LUZP2: variants seen among roughly 807,000 people sequenced by gnomAD.
LUZP2 encodes leucine zipper protein 2.
A neutral mutation model predicts 51.6 loss-of-function variants in LUZP2; 52 were observed. The ratio of observed to expected loss-of-function variants is 1.01; its 90% CI spans 0.81 to 1.27. The LOEUF (loss-of-function observed/expected upper bound fraction) is 1.27. Among genes scored for constraint, LUZP2 ranks in the 50% most tolerant of loss-of-function variants. LUZP2 has a pLI of 0.00. For missense variants in LUZP2, 436 were observed against 395.4 expected (o/e 1.10, Z -0.87); for synonymous variants, 154 against 137.3 (o/e 1.12, Z -0.85).
chr11:24,788,046 C>A (rs755527133), intron 5 of LUZP2, among the ~76,000 whole-genome samples: 1 of 152,096 alleles, frequency 6.6e-6, no homozygotes, highest in Non-Finnish European at 1.5e-5. Context: ...AACATGCTGA[C>A]CCATGTCTAC....
intron 1 of LUZP2, among the ~76,000 whole-genome samples, chr11:24,656,216 A>G (rs1036342982): frequency 5.7e-4 from 87 of 152,234 alleles, no homozygotes; most frequent in Non-Finnish European, 7.5e-4. Context: ...TACATTGTCA[A>G]GTATTTACTG....
rs752340709 is a variant in LUZP2 at position 25,062,093 on chromosome 11, C to T, written c.858+11963C>T. On this transcript the variant is annotated intron_variant, in intron 10 of 11. Transcript: ENST00000336930. Reference sequence around the variant, plus strand: ...AAAAGAAGAAAGGAAAAACAAAAAACGAAAAACAGAGGGAAGGGAGAAGAA... The same window carrying T: ...AAAAGAAGAAAGGAAAAACAAAAAATGAAAAACAGAGGGAAGGGAGAAGAA... 6.7e-4 allele frequency among the ~76,000 whole-genome samples: 85 copies of T among 127,390 alleles called. 1 individual carries two copies. The highest frequency in any genetic ancestry group is 9.0e-4 in the Non-Finnish European group (53 of 58,946). 83.6% of individuals were successfully genotyped at this position (127,390 alleles called of 152,430 possible). A position where few individuals can be genotyped will look rare whatever the true frequency, so the allele number is the denominator to read the frequency against.
chr11:24,953,726 T>C (rs1031853129), intron 7 of LUZP2, among the ~76,000 whole-genome samples: 5 of 152,052 alleles, frequency 3.3e-5, no homozygotes, highest in African/African-American at 1.2e-4. Flanking sequence ...GTACAGTATG[T>C]GGCACCTACG....
At chr11:24,710,743 C>T (rs912503370) in intron 1 of LUZP2, among the ~76,000 whole-genome samples, 1 of 150,468 alleles carries the variant, frequency 6.6e-6, no homozygotes, top group Non-Finnish European at 1.5e-5. Context: ...TACATGTCTT[C>T]AGTGTAAATT....
intron 5 of LUZP2, among the ~76,000 whole-genome samples, chr11:24,769,786 C>CTCT (rs764723270): frequency 6.8e-6 from 1 of 146,952 alleles, no homozygotes; most frequent in African/African-American, 2.7e-5. Context: ...ACTAAATTCT[C>CTCT]TTTTTTGTTT....
chr11:24,840,353 A>G (rs574938170), intron 5 of LUZP2, among the ~76,000 whole-genome samples: 4 of 152,072 alleles, frequency 2.6e-5, no homozygotes, highest in African/African-American at 7.2e-5. Context: ...AACATTTGAC[A>G]CGTACCAGAT....
intron 10 of LUZP2, among the ~76,000 whole-genome samples, chr11:25,053,118 GAACA>G (rs1167510642): frequency 2.6e-5 from 4 of 151,992 alleles, no homozygotes; most frequent in Admixed American, 6.6e-5. Flanking sequence ...AAACAATTGG[GAACA>G]AACAATGAAA....
chr11:24,945,965 T>A (rs1854887348), intron 7 of LUZP2, among the ~76,000 whole-genome samples: 1 of 152,096 alleles, frequency 6.6e-6, no homozygotes, highest in South Asian at 2.1e-4. Flanking sequence ...TTGCAGTCAC[T>A]GCCTGTTCCC....
intron 1 of LUZP2, among the ~76,000 whole-genome samples, chr11:24,673,101 C>G (rs932544673): frequency 2.0e-5 from 3 of 152,156 alleles, no homozygotes; most frequent in Non-Finnish European, 4.4e-5. Flanking sequence ...ACCACCCCCA[C>G]CCTTCCTCCA....
At chr11:24,898,246 TAA>T (rs35478837) in intron 5 of LUZP2, among the ~76,000 whole-genome samples, 1 of 149,628 alleles carries the variant, frequency 6.7e-6, no homozygotes, top group East Asian at 2.0e-4. Flanking sequence ...GTGACAATTA[TAA>T]AAAAAAAAAT....
At chr11:24,628,618 G>A (rs376148168) in intron 1 of LUZP2, among the ~76,000 whole-genome samples, 2 of 152,104 alleles carry the variant, frequency 1.3e-5, no homozygotes, top group East Asian at 3.9e-4. Context: ...GAGTGCAGTG[G>A]TGCCATCTCG....
chr11:24,560,040 G>T (rs1230897405), intron 1 of LUZP2, among the ~76,000 whole-genome samples: 2 of 152,100 alleles, frequency 1.3e-5, no homozygotes, highest in African/African-American at 2.4e-5. Context: ...GGGTTGATGG[G>T]TGCAGCAAAC....
At chr11:24,808,585 A>C (rs1849921465) in intron 5 of LUZP2, among the ~76,000 whole-genome samples, 1 of 152,116 alleles carries the variant, frequency 6.6e-6, no homozygotes, top group African/African-American at 2.4e-5. Context: ...GATTTATTTA[A>C]ATTTCTTATA....
chr11:24,710,760 AT>A (rs11385657), intron 1 of LUZP2, among the ~76,000 whole-genome samples: 8 of 151,850 alleles, frequency 5.3e-5, no homozygotes, highest in South Asian at 2.1e-4. Context: ...AATTTATCAC[AT>A]TTTTTTTGCA....
At chr11:24,731,682 A>C (rs991830751) in intron 2 of LUZP2, among the ~76,000 whole-genome samples, 1 of 151,776 alleles carries the variant, frequency 6.6e-6, no homozygotes, top group African/African-American at 2.4e-5. Flanking sequence ...TAACAGGTGC[A>C]TGCCCTTTGA....
rs149944550 is a variant in LUZP2, at chr11:24,800,333, G to A, written c.396+37025G>A. ...GCCACGCTAGATTGTCTGTCACATTGTGTAGGACTGTGGTGTCTGTGATGT... is the reference window on the plus strand; with the variant it reads ...GCCACGCTAGATTGTCTGTCACATTATGTAGGACTGTGGTGTCTGTGATGT... On this transcript the variant is annotated intron_variant, in intron 5 of 11. Transcript: ENST00000336930. Among the ~76,000 whole-genome samples the A allele has an allele frequency of 1.2e-4, 19 of 152,204 alleles. 1 individual carries two copies. In the East Asian group the frequency reaches 3.7e-3, roughly 29 times the overall value.
At chr11:24,882,244 G>A (rs866580580) in intron 5 of LUZP2, among the ~76,000 whole-genome samples, 2 of 151,956 alleles carry the variant, frequency 1.3e-5, no homozygotes, top group Non-Finnish European at 2.9e-5. Context: ...TTTGAGATGA[G>A]AATTTTTTAA....
chr11:24,637,421 C>A (rs954029091), intron 1 of LUZP2, among the ~76,000 whole-genome samples: 1 of 151,768 alleles, frequency 6.6e-6, no homozygotes, highest in African/African-American at 2.4e-5. Flanking sequence ...TCAGTGCACC[C>A]TGAAAAAGAA....
chr11:24,515,503 A>G lies in LUZP2; in HGVS notation c.62+18198A>G, dbSNP rs191296111. 8.7e-3 allele frequency among the ~76,000 whole-genome samples: 1,324 copies of G among 152,330 alleles called. 5 individuals carry two copies. The highest frequency in any genetic ancestry group is 0.014 in the Non-Finnish European group (959 of 68,024). ...GTTAAGTGCTTGGGAGCCCAGATGC[A>G]TTAAAGAAAATACATCCTTCATAGA... is the stretch of plus-strand genomic sequence containing the variant. On this transcript the variant is annotated intron_variant, in intron 1 of 11. Coordinates refer to ENST00000336930, the MANE Select transcript of LUZP2 (RefSeq NM_001009909.4).
Sources: gnomAD v4.1 joint callset for allele counts (sites outside exome capture counted in the v4.1 genomes callset) on GRCh38, gnomAD v4.1.1 for gene constraint, MANE v1.5 for transcripts, NCBI Gene and HGNC (gene_info 2026-07-23, HGNC 2026-07-21) for gene names.